PNPLA7: variants seen among roughly 807,000 people sequenced by gnomAD.
The protein encoded by PNPLA7 is patatin-like phospholipase domain-containing protein 7.
A neutral mutation model predicts 161.7 loss-of-function variants in PNPLA7; 153 were observed. The ratio of observed to expected loss-of-function variants is 0.95; its 90% CI spans 0.83 to 1.08. The LOEUF (loss-of-function observed/expected upper bound fraction) is 1.08. Ranked by LOEUF, PNPLA7 falls within the 50% of genes least tolerant of loss-of-function variation. PNPLA7 has a pLI of 0.00. For synonymous variants in PNPLA7, 809 were observed against 782.1 expected (o/e 1.03, Z -0.57); for missense variants, 1,739 against 1,856.6 (o/e 0.94, Z 1.16).
chr9:137,516,465 G>A (rs981893993), intron 11 of PNPLA7: 1 of 985,246 alleles, frequency 1.0e-6, no homozygotes, highest in Non-Finnish European at 1.2e-6. Flanking sequence ...AAGTCACATG[G>A]ACCTAATCCA....
At chr9:137,491,305 A>G (rs1215781514) in intron 20 of PNPLA7, among the ~76,000 whole-genome samples, 1 of 152,226 alleles carries the variant, frequency 6.6e-6, no homozygotes, top group Non-Finnish European at 1.5e-5. Flanking sequence ...GTGTTTAACA[A>G]CAGTGGGGGG....
chr9:137,502,546 C>T (rs753557862), intron 14 of PNPLA7, among the ~76,000 whole-genome samples: 11 of 145,072 alleles, frequency 7.6e-5, no homozygotes, highest in South Asian at 2.2e-4. Flanking sequence ...AGGCAGAGGA[C>T]GGCCGCTGAC....
chr9:137,479,976 G>C, intron 23 of PNPLA7: 1 of 889,270 alleles, frequency 1.1e-6, no homozygotes. Flanking sequence ...GTGCTGTGGA[G>C]AAAAGCAAAC....
chr9:137,479,507 A>G (rs566707550), intron 23 of PNPLA7: 2 of 1,183,996 alleles, frequency 1.7e-6, no homozygotes, highest in South Asian at 4.1e-5. Context: ...CCTCATAAAC[A>G]CACACAGCAA....
chr9:137,515,397 C>A lies in PNPLA7; in HGVS notation c.1207G>T (p.Asp403Tyr). The A allele has an allele frequency of 6.2e-7, 1 of 1,604,800 alleles. No homozygotes were observed. The highest frequency in any genetic ancestry group is 8.5e-7 in the Non-Finnish European group (1 of 1,176,724). ...TCTTTACCTTGTGGGGCCGAAGGGT[C>A]AGGGTCACCTGCCCCGGGCTTCTCC... ...ELEKPGAGDP[D>Y]PSAPQGGPGS... is the part of the protein sequence containing the mutation. The change falls in exon 12 of 35, where the codon GAC becomes TAC. Residue 403 changes from aspartate (D) to tyrosine (Y), a missense_variant. Coordinates refer to ENST00000406427, the MANE Select transcript of PNPLA7 (RefSeq NM_001098537.3).
chr9:137,511,098 G>C (rs541681311), intron 12 of PNPLA7, among the ~76,000 whole-genome samples: 1 of 152,392 alleles, frequency 6.6e-6, no homozygotes, highest in South Asian at 2.1e-4. Flanking sequence ...GGCCGCTTGA[G>C]GGCTCCTTGG....
At chr9:137,530,622 G>A (rs1456445091) in intron 8 of PNPLA7, among the ~76,000 whole-genome samples, 1 of 152,220 alleles carries the variant, frequency 6.6e-6, no homozygotes, top group African/African-American at 2.4e-5. Flanking sequence ...ATTCTGTCCA[G>A]AGTTTTTCAC....
intron 8 of PNPLA7, among the ~76,000 whole-genome samples, chr9:137,529,164 A>T (rs1835449922): frequency 1.3e-5 from 2 of 151,718 alleles, no homozygotes; most frequent in African/African-American, 4.8e-5. Context: ...CACTAACCTA[A>T]TTTTAAATTT....
At chr9:137,506,625 G>A (rs1192875400) in intron 12 of PNPLA7, among the ~76,000 whole-genome samples, 1 of 152,158 alleles carries the variant, frequency 6.6e-6, no homozygotes, top group Non-Finnish European at 1.5e-5. Context: ...TTGGAGGGAG[G>A]GGGTTGAGGC....
chr9:137,496,104 CTG>C (rs1246096906), intron 18 of PNPLA7, among the ~76,000 whole-genome samples: 1 of 150,880 alleles, frequency 6.6e-6, no homozygotes, highest in East Asian at 2.0e-4. Flanking sequence ...TCCCCACACA[CTG>C]TTTTTTTTTT....
chr9:137,461,779 C>T (rs944265234), intron 32 of PNPLA7, 152 bp downstream of exon 32: 7 of 1,190,244 alleles, frequency 5.9e-6, no homozygotes, highest in Non-Finnish European at 7.0e-6. Context: ...CAGTCCTGAG[C>T]AATCCTTGTC....
chr9:137,536,859 CCCA>C (rs1434857498), intron 8 of PNPLA7, among the ~76,000 whole-genome samples: 5 of 148,776 alleles, frequency 3.4e-5, no homozygotes, highest in Admixed American at 6.7e-5. Flanking sequence ...CACTTCATCT[CCCA>C]CGACAGGAAG....
In PNPLA7 at chr9:137,490,687, C is replaced by A. The variant is rs752372999; in HGVS notation, c.2197+2326G>T. Among the ~76,000 whole-genome samples the A allele has an allele frequency of 2.0e-4, 31 of 152,302 alleles. No homozygotes were observed. Among genetic ancestry groups the A allele is most frequent in the Non-Finnish European group, 4.1e-4 (28 of 68,028 alleles). ...ACCGCTAACCACAATTCTTCAACAG[C>A]AAGGAGACGAGCCCAGAAGGAAACC... On this transcript the variant is annotated intron_variant, in intron 20 of 34. Transcript: ENST00000406427. This position sits in a 1 kb window ranked among gnomAD's most constrained non-coding sequence, Gnocchi z 4.1.
chr9:137,493,303 G>A (rs1237914660), intron 19 of PNPLA7, among the ~76,000 whole-genome samples: 2 of 152,218 alleles, frequency 1.3e-5, no homozygotes, highest in East Asian at 3.8e-4. Context: ...CCATACGGCT[G>A]CCTTTCTGGT....
chr9:137,499,299 C>T lies in PNPLA7; in HGVS notation c.1758-1054G>A, dbSNP rs1466127611. Among the ~76,000 whole-genome samples the T allele has an allele frequency of 4.6e-5, 7 of 151,778 alleles. No homozygotes were observed. Among genetic ancestry groups the T allele is most frequent in the Non-Finnish European group, 1.0e-4 (7 of 67,924 alleles). On this transcript the variant is annotated intron_variant, in intron 16 of 34. Transcript: ENST00000406427. The surrounding 1 kb of genome is among the most constrained non-coding windows in gnomAD (Gnocchi z 5.5). ...AGACACAGAGACAGACACACGGACA[C>T]ATGCAGACACATGGAGACACACAGA...
intron 25 of PNPLA7, among the ~76,000 whole-genome samples, chr9:137,475,198 C>T (rs2132117519): frequency 6.6e-6 from 1 of 151,500 alleles, no homozygotes; most frequent in East Asian, 2.0e-4. Flanking sequence ...GCCCATCATG[C>T]ACTTTCAGAA....
chr9:137,509,069 C>T lies in PNPLA7; in HGVS notation c.1226-2986G>A, dbSNP rs560991109. 1.8e-3 allele frequency: 277 copies of T among 154,118 alleles called. 1 individual carries two copies. The highest frequency in any genetic ancestry group is 6.4e-3 in the African/African-American group (266 of 41,644). 9.5% of individuals were successfully genotyped at this position (154,118 alleles called of 1,614,324 possible). ...CCGCTAACCATGGGCGGCCAGTGAG[C>T]ACCTGAAGTGTGGCTGGCATGAGTG... On this transcript the variant is annotated intron_variant, in intron 12 of 34. Transcript: ENST00000406427.
At chr9:137,462,127 G>A in intron 31 of PNPLA7, 52 bp downstream of exon 31, 1 of 1,526,814 alleles carries the variant, frequency 6.5e-7, no homozygotes, top group Non-Finnish European at 8.8e-7. Context: ...AGGAGGGGCA[G>A]CCACCAGAGT....
intron 20 of PNPLA7, among the ~76,000 whole-genome samples, chr9:137,487,748 CCA>C (rs1832561811): frequency 6.6e-6 from 1 of 152,266 alleles, no homozygotes; most frequent in African/African-American, 2.4e-5. Flanking sequence ...GCTGTGCCAG[CCA>C]CAGAGCCTCC....
Sources: gnomAD v4.1 joint callset for allele counts (sites outside exome capture counted in the v4.1 genomes callset) on GRCh38, gnomAD v4.1.1 for gene constraint, Gnocchi (gnomAD v3.1) non-coding constraint, MANE v1.5 for transcripts, NCBI Gene and HGNC (gene_info 2026-07-23, HGNC 2026-07-21) for gene names.